Variants in CFAP57 observed in about 807,000 individuals in gnomAD.
CFAP57 encodes the protein cilia- and flagella-associated protein 57.
In CFAP57, 116 loss-of-function variants were observed where a neutral mutation model predicts 146.8. The observed-to-expected ratio is 0.79, with a 90% CI of 0.68 to 0.92. The LOEUF is 0.92. Among genes scored for constraint, CFAP57 ranks in the 40% least tolerant of loss-of-function variants. The probability of loss-of-function intolerance (pLI) is 0.00; values close to 1 mark genes in which losing one functional copy is unlikely to be tolerated. For synonymous variants in CFAP57, 518 were observed against 552.8 expected (o/e 0.94, Z 0.88); for missense variants, 1,377 against 1,527.2 (o/e 0.90, Z 1.64).
intron 11 of CFAP57, among the ~76,000 whole-genome samples, chr1:43,213,174 G>A (rs1227069828): frequency 6.6e-6 from 1 of 151,864 alleles, no homozygotes; most frequent in Non-Finnish European, 1.5e-5. Flanking sequence ...TGCAACCACC[G>A]CCTCCTGGGT....
chr1:43,247,888 G>C (rs1646170237), intron 22 of CFAP57, among the ~76,000 whole-genome samples: 1 of 152,118 alleles, frequency 6.6e-6, no homozygotes, highest in Non-Finnish European at 1.5e-5. Context: ...CACTTTGGGA[G>C]GCCAACGTGG....
At chr1:43,243,579 G>C (rs577456665) in intron 22 of CFAP57, among the ~76,000 whole-genome samples, 8 of 152,322 alleles carry the variant, frequency 5.3e-5, no homozygotes, top group African/African-American at 1.7e-4. Context: ...ACATCCTTGA[G>C]GTTAGCTACC....
At position 43,186,791 on chromosome 1, in the gene CFAP57, ACT is replaced by A. The variant is rs757706045; in HGVS notation, c.1057_1058del (p.Leu353GlyfsTer6). ...CCTGTGCTTCAGCCCCTCAGAGGAAACTCTGGTTGCCAGCACCAGTAAGAACC... is the reference window on the plus strand; with the variant it reads ...CCTGTGCTTCAGCCCCTCAGAGGAAACTGGTTGCCAGCACCAGTAAGAACC... ...LCLCFSPSEE[T>X]LVASTSKNQL... is the part of the protein sequence containing the mutation. On this transcript the variant is annotated frameshift_variant, in exon 6 of 23. Transcript: ENST00000372492. LOFTEE classifies it high-confidence loss of function. The A allele has an allele frequency of 1.5e-5, 25 of 1,613,996 alleles. No individual in the cohort carries two copies. The highest frequency in any genetic ancestry group is 1.9e-5 in the Non-Finnish European group (22 of 1,180,028).
chr1:43,172,355 A>C lies in CFAP57; in HGVS notation c.-118A>C. On this transcript the variant is annotated 5_prime_UTR_variant, in exon 1 of 23. Coordinates refer to ENST00000372492, the MANE Select transcript of CFAP57 (RefSeq NM_001378189.1). ...ACTTCCGGTTTGTCGTTGCTATAGG[A>C]ACCGCTACGGCGTTTGAAAGTGTCC... is the stretch of plus-strand genomic sequence containing the variant. 3 of 1,551,528 alleles carry C rather than the reference A, an allele frequency of 1.9e-6. No homozygotes were observed. Among genetic ancestry groups the C allele is most frequent in the Non-Finnish European group, 2.6e-6 (3 of 1,146,972 alleles).
At chr1:43,229,487 A>G (rs1645385695) in intron 18 of CFAP57, among the ~76,000 whole-genome samples, 1 of 148,410 alleles carries the variant, frequency 6.7e-6, no homozygotes, top group Non-Finnish European at 1.5e-5. Context: ...TGGTTCATGC[A>G]CTGTGGATCT....
intron 22 of CFAP57, among the ~76,000 whole-genome samples, chr1:43,248,614 C>G (rs967494262): frequency 6.6e-6 from 1 of 151,930 alleles, no homozygotes; most frequent in African/African-American, 2.4e-5. Context: ...GCCACAGTAC[C>G]CGGCCATAAA....
At chr1:43,221,989 TG>T in intron 14 of CFAP57, 115 bp from the exon 15 acceptor site, 2 of 864,622 alleles carry the variant, frequency 2.3e-6, no homozygotes, top group Non-Finnish European at 3.3e-6. Flanking sequence ...ATCTTGGCTC[TG>T]GAGGCAGCTG....
rs1432407710 is a variant in CFAP57 at position 43,254,139 on chromosome 1, G to A, written c.3701G>A (p.Arg1234Gln). The A allele has an allele frequency of 1.4e-5, 22 of 1,550,640 alleles. No individual in the cohort carries two copies. The highest frequency in any genetic ancestry group is 8.2e-5 in the African/African-American group (6 of 73,118). ...VTGFHTLAGVRLPSLSNSEVD... is the reference protein window; with the variant it reads ...VTGFHTLAGVQLPSLSNSEVD... ...GGGTTCCACACCCTCGCTGGAGTTC[G>A]GCTTCCTTCCCTCTCCAACTCCGAG... The change falls in exon 23 of 23, where the codon CGG becomes CAG. Residue 1234 changes from arginine (R) to glutamine (Q), a missense_variant. Transcript: ENST00000372492.
intron 15 of CFAP57, 121 bp downstream of exon 15, chr1:43,222,416 T>C: frequency 1.1e-6 from 1 of 888,210 alleles, no homozygotes; most frequent in Non-Finnish European, 1.5e-6. Context: ...AGACATGGTT[T>C]CTACCCCCAA....
rs765507606 is a variant in CFAP57, at chr1:43,199,476, C to G, written c.1515C>G (p.Ile505Met). ...ACACCACCACGAGCCTAGAGAACAT[C>G]TCAAGCCTGAAAGGACACACAGGGA... ...HVYTTTSLEN[I>M]SSLKGHTGKI... Residue 505 changes from isoleucine (I) to methionine (M), a missense_variant, in exon 9 of 23, where the codon ATC becomes ATG. Ile to Met is a conservative substitution (Grantham distance 10). Transcript: ENST00000372492. The G allele has an allele frequency of 1.2e-6, 2 of 1,614,180 alleles. No homozygotes were observed. The highest frequency in any genetic ancestry group is 1.7e-6 in the Non-Finnish European group (2 of 1,180,032).
chr1:43,234,734 T>TC, intron 21 of CFAP57, 96 bp downstream of exon 21: 1 of 1,400,846 alleles, frequency 7.1e-7, no homozygotes, highest in Non-Finnish European at 9.4e-7. Context: ...TCTTCAGGGC[T>TC]CCCCAGGTGT....
chr1:43,223,678 C>T (rs1645137622), intron 16 of CFAP57, among the ~76,000 whole-genome samples: 1 of 152,178 alleles, frequency 6.6e-6, no homozygotes, highest in African/African-American at 2.4e-5. Context: ...AGTTAGGGCC[C>T]ACTTTCTGTG....
At chr1:43,203,530 G>A (rs1002410967) in intron 9 of CFAP57, among the ~76,000 whole-genome samples, 6 of 151,966 alleles carry the variant, frequency 3.9e-5, no homozygotes, top group Non-Finnish European at 8.8e-5. Flanking sequence ...GCACCATCTC[G>A]GCTCACTGCA....
chr1:43,186,816 AC>A lies in CFAP57; in HGVS notation c.1081del (p.Gln361AsnfsTer9). ...EETLVASTSKNQLYSITMSLT... is the reference protein window; with the variant it reads ...EETLVASTSKXQLYSITMSLT... ...ACTCTGGTTGCCAGCACCAGTAAGA[AC>A]CAACTCTACAGCATCACCATGTCCC... On this transcript the variant is annotated frameshift_variant, in exon 6 of 23. Coordinates refer to ENST00000372492, the MANE Select transcript of CFAP57 (RefSeq NM_001378189.1). LOFTEE classifies it high-confidence loss of function. The A allele has an allele frequency of 6.2e-7, 1 of 1,614,128 alleles. No individual in the cohort carries two copies. Among genetic ancestry groups the A allele is most frequent in the South Asian group, 1.1e-5 (1 of 91,080 alleles).
chr1:43,248,753 A>T (rs943999473), intron 22 of CFAP57, among the ~76,000 whole-genome samples: 4 of 152,194 alleles, frequency 2.6e-5, no homozygotes, highest in African/African-American at 9.6e-5. Flanking sequence ...TATAATTATT[A>T]TCCTTAATAA....
chr1:43,232,493 C>T lies in CFAP57; in HGVS notation c.3010-15C>T. The T allele has an allele frequency of 6.5e-7, 1 of 1,544,804 alleles. No individual in the cohort carries two copies. The highest frequency in any genetic ancestry group is 8.8e-7 in the Non-Finnish European group (1 of 1,142,026). Reference sequence around the variant, plus strand: ...AACTTTCTTCTTCTTGACTCTTTTCCCTTGTTGTCTACAGATGGAAGCTGA... The same window carrying T: ...AACTTTCTTCTTCTTGACTCTTTTCTCTTGTTGTCTACAGATGGAAGCTGA... On this transcript the variant is annotated splice_polypyrimidine_tract_variant and intron_variant, in intron 18 of 22. Coordinates refer to ENST00000372492, the MANE Select transcript of CFAP57 (RefSeq NM_001378189.1).
chr1:43,181,468 G>T, intron 2 of CFAP57, 66 bp from the exon 3 acceptor site: 1 of 1,588,752 alleles, frequency 6.3e-7, no homozygotes, highest in African/African-American at 1.3e-5. Context: ...CACAGTGCCT[G>T]GTTCCTGTTG....
intron 6 of CFAP57, among the ~76,000 whole-genome samples, chr1:43,191,620 C>T (rs1643535269): frequency 1.0e-5 from 1 of 99,644 alleles, no homozygotes; most frequent in Non-Finnish European, 2.6e-5. Flanking sequence ...ATATTCCCTC[C>T]TTCATTTCTG....
chr1:43,246,716 T>C (rs1646126932), intron 22 of CFAP57, among the ~76,000 whole-genome samples: 1 of 152,246 alleles, frequency 6.6e-6, no homozygotes, highest in African/African-American at 2.4e-5. Context: ...AATGCAGGCA[T>C]GTATGTGAGA....
Sources: allele counts gnomAD v4.1 joint callset (sites outside exome capture counted in the v4.1 genomes callset), GRCh38; gene constraint gnomAD v4.1.1; transcripts MANE v1.5; gene names NCBI Gene and HGNC (gene_info 2026-07-23, HGNC 2026-07-21).